The following DAB1 variants were observed in gnomAD, a reference collection of about 807,000 sequenced individuals.
The protein encoded by DAB1 is disabled homolog 1.
In DAB1, 15 loss-of-function variants were observed where a neutral mutation model predicts 64.6. The observed-to-expected ratio is 0.23, with a 90% CI of 0.16 to 0.36. DAB1 has a LOEUF of 0.36. Ranked by LOEUF, DAB1 falls within the 10% of genes least tolerant of loss-of-function variation. The pLI is 1.00. For synonymous variants in DAB1, 235 were observed against 251.9 expected (o/e 0.93, Z 0.64); for missense variants, 596 against 706.7 (o/e 0.84, Z 1.78).
chr1:57,713,442 A>C (rs969702061), intron 6 of DAB1, among the ~76,000 whole-genome samples: 2 of 152,236 alleles, frequency 1.3e-5, no homozygotes, highest in Admixed American at 1.3e-4. Flanking sequence ...AACTCTGTGC[A>C]GCTTGGTTGT....
chr1:57,665,829 T>C, intron 6 of DAB1, among the ~76,000 whole-genome samples: 1 of 147,924 alleles, frequency 6.8e-6, no homozygotes, highest in Non-Finnish European at 1.5e-5. Flanking sequence ...TTTTTTTTTC[T>C]TCCCTTTTTT....
At chr1:57,873,343 T>C (rs1008911697) in intron 1 of DAB1, among the ~76,000 whole-genome samples, 21 of 152,194 alleles carry the variant, frequency 1.4e-4, no homozygotes, top group African/African-American at 5.1e-4. Context: ...GCTTGCTCCT[T>C]ATTCATCATC....
At chr1:58,390,197 T>A (rs1184456419) in intron 3 of DAB1, among the ~76,000 whole-genome samples, 2 of 152,164 alleles carry the variant, frequency 1.3e-5, no homozygotes, top group Admixed American at 1.3e-4. Context: ...TTGGAGGGAA[T>A]CTGCCAGGCG....
intron 5 of DAB1, among the ~76,000 whole-genome samples, chr1:58,036,655 T>C (rs750290639): frequency 7.9e-5 from 12 of 152,194 alleles, no homozygotes; most frequent in Non-Finnish European, 1.3e-4. Context: ...AAGCCCAGCA[T>C]ATGATAAAAC....
chr1:57,759,668 A>C (rs1303186136), intron 6 of DAB1, among the ~76,000 whole-genome samples: 2 of 152,186 alleles, frequency 1.3e-5, no homozygotes, highest in East Asian at 3.9e-4. Flanking sequence ...CAGAGGAATT[A>C]AATGACCAGA....
At chr1:58,231,412 A>G (rs548865880) in intron 4 of DAB1, among the ~76,000 whole-genome samples, 43 of 152,350 alleles carry the variant, frequency 2.8e-4, no homozygotes, top group Non-Finnish European at 5.0e-4. Context: ...CTCAGACCAC[A>G]AACATGCAAA....
At chr1:57,530,428 AT>A (rs1246425121) in intron 7 of DAB1, among the ~76,000 whole-genome samples, 1 of 152,078 alleles carries the variant, frequency 6.6e-6, no homozygotes. Flanking sequence ...AACGTATGCC[AT>A]CTGCGTGTTT....
At chr1:58,175,578 A>G (rs1656422078) in intron 4 of DAB1, among the ~76,000 whole-genome samples, 1 of 152,348 alleles carries the variant, frequency 6.6e-6, no homozygotes. Context: ...AGTGATGTTC[A>G]TACTCTTTTT....
At chr1:57,832,285 C>T (rs1022377531) in intron 1 of DAB1, among the ~76,000 whole-genome samples, 1 of 152,112 alleles carries the variant, frequency 6.6e-6, no homozygotes, top group African/African-American at 2.4e-5. Context: ...GGAGATACTT[C>T]CTATCTCTCT....
chr1:58,542,478 C>T (rs1304073734), intron 1 of DAB1: 1 of 152,038 alleles, frequency 6.6e-6, no homozygotes, highest in African/African-American at 2.4e-5. Context: ...TTAAATACTA[C>T]ATACTGTATG....
intron 2 of DAB1, among the ~76,000 whole-genome samples, chr1:57,148,291 TA>T (rs1659341174): frequency 6.6e-6 from 1 of 152,004 alleles, no homozygotes; most frequent in African/African-American, 2.4e-5. Flanking sequence ...AATAAGAAAA[TA>T]TTAGGCCATT....
At chr1:57,715,497 T>C (rs1448464454) in intron 6 of DAB1, among the ~76,000 whole-genome samples, 2 of 152,194 alleles carry the variant, frequency 1.3e-5, no homozygotes, top group Admixed American at 1.3e-4. Flanking sequence ...GGAAGCCAAA[T>C]TGTTTCTGTT....
At chr1:58,109,955 C>T (rs966949437) in intron 5 of DAB1, among the ~76,000 whole-genome samples, 1 of 152,196 alleles carries the variant, frequency 6.6e-6, no homozygotes, top group Non-Finnish European at 1.5e-5. Flanking sequence ...AATAGATGCT[C>T]ATATGTTCTT....
At chr1:58,417,947 C>T (rs697584) in intron 3 of DAB1, among the ~76,000 whole-genome samples, 55,289 of 151,958 alleles carry the variant, frequency 0.36, 10,392 homozygotes, top group African/African-American at 0.47. Flanking sequence ...ATCCCTTCAA[C>T]TCTTGCTCTT....
intron 4 of DAB1, among the ~76,000 whole-genome samples, chr1:57,122,115 G>C (rs1656719955): frequency 6.6e-6 from 1 of 152,082 alleles, no homozygotes; most frequent in Non-Finnish European, 1.5e-5. Flanking sequence ...TGCTTTGCTT[G>C]ATAGGTCATT....
intron 5 of DAB1, among the ~76,000 whole-genome samples, chr1:57,925,427 G>A (rs573122403): frequency 6.6e-6 from 1 of 152,302 alleles, no homozygotes; most frequent in South Asian, 2.1e-4. Flanking sequence ...AGAATTTATG[G>A]TAACATTGCT....
At chr1:57,632,522 G>A (rs899578540) in intron 7 of DAB1, among the ~76,000 whole-genome samples, 3 of 152,124 alleles carry the variant, frequency 2.0e-5, no homozygotes, top group African/African-American at 7.2e-5. Context: ...ATGCAGATGG[G>A]GTTGGATGCC....
intron 5 of DAB1, among the ~76,000 whole-genome samples, chr1:58,008,734 G>GT (rs1557607574): frequency 6.6e-6 from 1 of 152,110 alleles, no homozygotes; most frequent in African/African-American, 2.4e-5. Context: ...TTAGAGAAAT[G>GT]TTTAGTTTCA....
intron 6 of DAB1, among the ~76,000 whole-genome samples, chr1:57,817,376 G>A (rs1025196057): frequency 2.0e-5 from 3 of 152,182 alleles, no homozygotes; most frequent in African/African-American, 7.2e-5. Context: ...GCATTCTTCT[G>A]ATTGCTTCAG....
Sources: gnomAD v4.1 joint callset for allele counts (sites outside exome capture counted in the v4.1 genomes callset) on GRCh38, gnomAD v4.1.1 for gene constraint, MANE v1.5 for transcripts, NCBI Gene and HGNC (gene_info 2026-07-23, HGNC 2026-07-21) for gene names.